MAPRE3: variants seen among roughly 807,000 people sequenced by gnomAD.
The protein encoded by MAPRE3 is microtubule associated protein RP/EB family member 3, also known as microtubule-associated protein RP/EB family member 3.
In MAPRE3, 2 loss-of-function variants were observed where a neutral mutation model predicts 30.5. The observed-to-expected ratio is 0.07, with a 90% CI of 0.03 to 0.21. The LOEUF is 0.21. Ranked by LOEUF, MAPRE3 falls within the 10% of genes least tolerant of loss-of-function variation. MAPRE3 has a pLI of 1.00. For missense variants in MAPRE3, 204 were observed against 351.8 expected (o/e 0.58, Z 3.36); for synonymous variants, 110 against 127.7 (o/e 0.86, Z 0.93).
At chr2:26,993,294 C>T (rs1666387742) in intron 1 of MAPRE3, among the ~76,000 whole-genome samples, 1 of 152,092 alleles carries the variant, frequency 6.6e-6, no homozygotes, top group African/African-American at 2.4e-5. Flanking sequence ...TGCTTGAACC[C>T]AGGAGGTGGA....
intron 1 of MAPRE3, among the ~76,000 whole-genome samples, chr2:26,973,615 C>T (rs1313465950): frequency 6.7e-6 from 1 of 148,540 alleles, no homozygotes; most frequent in Non-Finnish European, 1.5e-5. Flanking sequence ...ACTGCAGTGG[C>T]GCAATCTCGG....
intron 1 of MAPRE3, among the ~76,000 whole-genome samples, chr2:26,983,128 A>G (rs1301270274): frequency 6.6e-6 from 1 of 152,222 alleles, no homozygotes; most frequent in Non-Finnish European, 1.5e-5. Flanking sequence ...TTAAGCTTCC[A>G]GTAAGACAGA....
chr2:27,003,246 T>C (rs1395456526), intron 1 of MAPRE3, among the ~76,000 whole-genome samples: 1 of 152,128 alleles, frequency 6.6e-6, no homozygotes, highest in Non-Finnish European at 1.5e-5. Flanking sequence ...CACACAGTGG[T>C]GTTTCAATAT....
chr2:27,025,451 G>A (rs1667215735), intron 4 of MAPRE3, 132 bp from the exon 5 acceptor site: 1 of 883,192 alleles, frequency 1.1e-6, no homozygotes, highest in South Asian at 1.8e-5. Flanking sequence ...TGCCCTTCCT[G>A]GGGTGGGGGC....
At chr2:27,018,809 G>A (rs1572770800) in intron 1 of MAPRE3, among the ~76,000 whole-genome samples, 1 of 152,140 alleles carries the variant, frequency 6.6e-6, no homozygotes, top group East Asian at 1.9e-4. Context: ...TATCCACCAA[G>A]AACTGGTGTA....
chr2:26,983,146 A>G (rs1451579253), intron 1 of MAPRE3, among the ~76,000 whole-genome samples: 1 of 152,186 alleles, frequency 6.6e-6, no homozygotes, highest in African/African-American at 2.4e-5. Context: ...AGAGACAGAG[A>G]TAGACATTCA....
In MAPRE3 at chr2:27,008,982, C is replaced by T. The variant is rs72852946; in HGVS notation, c.-7-13230C>T. 2.4e-3 allele frequency among the ~76,000 whole-genome samples: 355 copies of T among 149,364 alleles called. 2 individuals carry two copies. Among genetic ancestry groups the T allele is most frequent in the Middle Eastern group, 6.9e-3 (2 of 290 alleles). ...TTACTGGATGATTTCATGTATATAA[C>T]GTTGACAAAATGACAAAATTATAGA... is the stretch of plus-strand genomic sequence containing the variant. On this transcript the variant is annotated intron_variant, in intron 1 of 6. Coordinates refer to ENST00000233121, the MANE Select transcript of MAPRE3 (RefSeq NM_012326.4).
At position 26,978,639 on chromosome 2, in the gene MAPRE3, G is replaced by C. The variant is rs1048458291; in HGVS notation, c.-8+7837G>C. On this transcript the variant is annotated intron_variant, in intron 1 of 6. Transcript: ENST00000233121. Reference sequence around the variant, plus strand: ...CCAAAATAGCAAGGTACAGTGTCTTGAGACAACTTGATAAGACTTCTATTA... The same window carrying C: ...CCAAAATAGCAAGGTACAGTGTCTTCAGACAACTTGATAAGACTTCTATTA... 2.6e-5 allele frequency among the ~76,000 whole-genome samples: 4 copies of C among 152,230 alleles called. 1 individual carries two copies. The South Asian group carries it at 8.3e-4, about 32-fold the overall frequency.
At chr2:27,000,570 G>T (rs537559283) in intron 1 of MAPRE3, among the ~76,000 whole-genome samples, 90 of 152,224 alleles carry the variant, frequency 5.9e-4, no homozygotes, top group Admixed American at 2.2e-3. Flanking sequence ...AATAATGTAT[G>T]AAGTACTTTC....
intron 1 of MAPRE3, among the ~76,000 whole-genome samples, chr2:27,018,884 G>A (rs988780011): frequency 7.0e-6 from 1 of 142,562 alleles, no homozygotes; most frequent in African/African-American, 3.0e-5. Context: ...GGAAGGGGCA[G>A]GCACACACAT....
chr2:27,013,896 T>C (rs1013040921), intron 1 of MAPRE3: 1 of 152,290 alleles, frequency 6.6e-6, no homozygotes, highest in African/African-American at 2.4e-5. Flanking sequence ...CTGCCAGCGG[T>C]ACTCATTATC....
chr2:26,989,405 G>A (rs752074467), intron 1 of MAPRE3, among the ~76,000 whole-genome samples: 1 of 152,152 alleles, frequency 6.6e-6, no homozygotes, highest in Non-Finnish European at 1.5e-5. Context: ...CAATGCAAGG[G>A]AAAGGACAAT....
chr2:26,972,351 A>G (rs922124858), intron 1 of MAPRE3, among the ~76,000 whole-genome samples: 4 of 152,234 alleles, frequency 2.6e-5, no homozygotes, highest in Non-Finnish European at 4.4e-5. Context: ...ATCATGGCCT[A>G]TTGGCAGCCT....
chr2:27,020,811 A>G (rs1161895251), intron 1 of MAPRE3, among the ~76,000 whole-genome samples: 4 of 152,222 alleles, frequency 2.6e-5, no homozygotes, highest in African/African-American at 7.2e-5. Context: ...GCTTTTAGGT[A>G]GATTCTGACT....
intron 1 of MAPRE3, among the ~76,000 whole-genome samples, chr2:26,979,476 C>T (rs1379041933): frequency 1.3e-5 from 2 of 152,180 alleles, no homozygotes; most frequent in African/African-American, 4.8e-5. Context: ...GTCCCAGCTA[C>T]TAGGGAAGCC....
intron 1 of MAPRE3, among the ~76,000 whole-genome samples, chr2:26,993,280 G>A (rs571675355): frequency 7.4e-4 from 113 of 152,300 alleles, no homozygotes; most frequent in African/African-American, 2.7e-3. Context: ...TGAGGCAGGA[G>A]AGTTGCTTGA....
intron 1 of MAPRE3, among the ~76,000 whole-genome samples, chr2:26,991,835 TTC>T (rs745582608): frequency 3.9e-5 from 6 of 152,268 alleles, no homozygotes; most frequent in Non-Finnish European, 7.4e-5. Context: ...ACTGTCTGTG[TTC>T]TCTCTATCCC....
chr2:26,993,883 A>G (rs146475524), intron 1 of MAPRE3, among the ~76,000 whole-genome samples: 7 of 152,286 alleles, frequency 4.6e-5, no homozygotes, highest in Admixed American at 4.6e-4. Context: ...AGAACTCATG[A>G]TGGATGTCTT....
At chr2:26,977,930 G>A (rs971285112) in intron 1 of MAPRE3, among the ~76,000 whole-genome samples, 3 of 152,208 alleles carry the variant, frequency 2.0e-5, no homozygotes, top group Non-Finnish European at 2.9e-5. Flanking sequence ...CCGGGACTTC[G>A]AGTTGAAGAA....
Sources: gnomAD v4.1 joint callset for allele counts (sites outside exome capture counted in the v4.1 genomes callset) on GRCh38, gnomAD v4.1.1 for gene constraint, MANE v1.5 for transcripts, NCBI Gene and HGNC (gene_info 2026-07-23, HGNC 2026-07-21) for gene names.